Variants in NCOA3 observed in about 807,000 individuals in gnomAD.
NCOA3 encodes CBP-interacting protein.
Under a neutral mutation model 158.8 loss-of-function variants are expected in NCOA3, and 51 were observed. The ratio of observed to expected loss-of-function variants is 0.32; its 90% CI spans 0.26 to 0.41. The LOEUF (loss-of-function observed/expected upper bound fraction) is 0.41, where lower values mean the gene tolerates loss of function less well. Among genes scored for constraint, NCOA3 ranks in the 10% least tolerant of loss-of-function variants. The pLI, the probability that NCOA3 is intolerant of heterozygous loss-of-function variation, is 1.00. For synonymous variants in NCOA3, 537 were observed against 592.4 expected, an observed-to-expected ratio of 0.91 and a Z score of 1.36; for missense variants, 1,510 against 1,746.6, an observed-to-expected ratio of 0.86 and a Z score of 2.41.
chr20:47,536,809 T>TC (rs1372055488), intron 1 of NCOA3, among the ~76,000 whole-genome samples: 13 of 150,142 alleles, frequency 8.7e-5, no homozygotes, highest in Non-Finnish European at 1.2e-4. Context: ...TTTTTTCTTT[T>TC]TTTTTTTTTT....
chr20:47,620,084 G>A (rs2086211605), intron 2 of NCOA3, among the ~76,000 whole-genome samples: 1 of 123,488 alleles, frequency 8.1e-6, no homozygotes, highest in Non-Finnish European at 1.8e-5. Flanking sequence ...GTGAGCCACT[G>A]CACCTGGCTC....
rs377014290 is a variant in NCOA3 at position 47,594,664 on chromosome 20, C to CAAAAAAAAA, written c.-20+11426_-20+11434dup. On this transcript the variant is annotated intron_variant, in intron 2 of 22. Transcript: ENST00000371998. The stretch of plus-strand genomic sequence containing the variant: ...TGGGCGACAGAGCGAGACTCTGTCT[C>CAAAAAAAAA]AAAAAAAAAAAAAAAAAAAAAAAAA... 5.6e-3 allele frequency among the ~76,000 whole-genome samples: 409 copies of CAAAAAAAAA among 72,918 alleles called. 28 individuals carry two copies. The highest frequency in any genetic ancestry group is 6.5e-3 in the Non-Finnish European group (263 of 40,706). 47.8% of individuals were successfully genotyped at this position (72,918 alleles called of 152,430 possible). A position where few individuals can be genotyped will look rare whatever the true frequency, so the allele number is the denominator to read the frequency against.
intron 1 of NCOA3, among the ~76,000 whole-genome samples, chr20:47,553,361 C>T (rs532978792): frequency 1.4e-4 from 22 of 151,850 alleles, no homozygotes; most frequent in East Asian, 3.9e-4. Context: ...TTGCAGTGTC[C>T]GATCAAGATA....
At chr20:47,536,322 C>T (rs2084631841) in intron 1 of NCOA3, among the ~76,000 whole-genome samples, 1 of 152,100 alleles carries the variant, frequency 6.6e-6, no homozygotes, top group Non-Finnish European at 1.5e-5. Flanking sequence ...CCACATTGTC[C>T]ACACCTCAAG....
In NCOA3 at chr20:47,647,225, T is replaced by C; in HGVS notation, c.3405T>C (p.Phe1135=). 1 of 1,614,124 alleles carries C rather than the reference T, an allele frequency of 6.2e-7. No homozygotes were observed. Among genetic ancestry groups the C allele is most frequent in the Non-Finnish European group, 8.5e-7 (1 of 1,180,024 alleles). ...ATCTTCAGGGACAATCACCATCTTT[T>C]AACTCTATGATGAATCAGATGAACC... is the stretch of plus-strand genomic sequence containing the variant. ...GFHLQGQSPS[F]NSMMNQMNQQ... The change falls in exon 18 of 23, where the codon TTT becomes TTC. Residue 1135 remains phenylalanine, a synonymous_variant. Transcript: ENST00000371998.
At chr20:47,587,687 A>T (rs913995316) in intron 2 of NCOA3, among the ~76,000 whole-genome samples, 15 of 151,974 alleles carry the variant, frequency 9.9e-5, no homozygotes, top group African/African-American at 3.4e-4. Context: ...TTTGTATTTT[A>T]TTGCTGTATT....
chr20:47,599,589 C>T (rs992056033), intron 2 of NCOA3, among the ~76,000 whole-genome samples: 3 of 152,164 alleles, frequency 2.0e-5, no homozygotes, highest in Admixed American at 6.5e-5. Context: ...TGCAAAACTG[C>T]TAAGAACACT....
At chr20:47,547,480 T>C (rs2084851073) in intron 1 of NCOA3, among the ~76,000 whole-genome samples, 1 of 151,932 alleles carries the variant, frequency 6.6e-6, no homozygotes, top group Admixed American at 6.6e-5. Context: ...TGGTGCGATC[T>C]CGGCTTACTG....
At position 47,655,277 on chromosome 20, in the gene NCOA3, A is replaced by T. The variant is rs574211941; in HGVS notation, c.*1860A>T. On this transcript the variant is annotated 3_prime_UTR_variant, in exon 23 of 23. Transcript: ENST00000371998. ...TATCTGGGTTAATTCATTTGGTTCAAATAGTTGACGGAATTGGGTTTCTGA... is the reference window on the plus strand; with the variant it reads ...TATCTGGGTTAATTCATTTGGTTCATATAGTTGACGGAATTGGGTTTCTGA... The T allele has an allele frequency of 2.0e-5, 3 of 152,300 alleles. No individual in the cohort carries two copies. In the East Asian group the frequency reaches 5.8e-4, roughly 29 times the overall value. The allele number at this position is 152,300 out of a possible 1,614,324, so 9.4% of individuals were successfully genotyped here. A position where few individuals can be genotyped will look rare whatever the true frequency, so the allele number is the denominator to read the frequency against.
rs2086341429 is a variant in NCOA3 at position 47,627,465 on chromosome 20, A to G, written c.533-96A>G. ...GTTAGTATAGATATAACTATGGAAA[A>G]CATGCATAATGAGAAAATGCAGCTT... On this transcript the variant is annotated intron_variant, in intron 6 of 22. Coordinates refer to ENST00000371998, the MANE Select transcript of NCOA3 (RefSeq NM_181659.3). 9 of 950,236 alleles carry G rather than the reference A, an allele frequency of 9.5e-6. No homozygotes were observed. The South Asian group carries it at 1.1e-4, about 12-fold the overall frequency. 58.9% of individuals were successfully genotyped at this position (950,236 alleles called of 1,614,324 possible). A position where few individuals can be genotyped will look rare whatever the true frequency, so the allele number is the denominator to read the frequency against.
chr20:47,605,941 G>A (rs6012223), intron 2 of NCOA3, among the ~76,000 whole-genome samples: 19,510 of 152,164 alleles, frequency 0.13, 1,721 homozygotes, highest in African/African-American at 0.24. Context: ...GCAGATAGTA[G>A]ATACTAAAGC....
At chr20:47,611,803 A>G (rs1016687396) in intron 2 of NCOA3, among the ~76,000 whole-genome samples, 2 of 151,998 alleles carry the variant, frequency 1.3e-5, no homozygotes, top group African/African-American at 4.8e-5. Flanking sequence ...AAAACAAAAC[A>G]AAACAAAATA....
chr20:47,523,363 T>C (rs1045550918), intron 1 of NCOA3, among the ~76,000 whole-genome samples: 1 of 152,144 alleles, frequency 6.6e-6, no homozygotes, highest in African/African-American at 2.4e-5. Context: ...CTGGGGTTGA[T>C]CCAAGGGTCT....
chr20:47,590,296 C>T (rs559652965), intron 2 of NCOA3, among the ~76,000 whole-genome samples: 4 of 152,236 alleles, frequency 2.6e-5, no homozygotes, highest in African/African-American at 9.6e-5. Flanking sequence ...ATGCAAATAA[C>T]GTTATTAACA....
At chr20:47,651,665 TTTA>T (rs1207830290) in intron 20 of NCOA3, among the ~76,000 whole-genome samples, 2 of 151,884 alleles carry the variant, frequency 1.3e-5, no homozygotes, top group African/African-American at 4.8e-5. Context: ...GTGACTTGGA[TTTA>T]TTATTTTTTT....
rs755173294 is a variant in NCOA3, at chr20:47,542,009, G to GTTTTTTTTTTTTTTTTTTTTTTTTTTTTT, written c.-99+40011_-99+40012insTTTTTTTTTTTTTTTTTTTTTTTTTTTTT. The stretch of plus-strand genomic sequence containing the variant: ...ATCAAATTATTTTTTGCCCTGTAGA[G>GTTTTTTTTTTTTTTTTTTTTTTTTTTTTT]TTTTTTTTTTTTTTTTTTTTTGTTG... On this transcript the variant is annotated intron_variant, in intron 1 of 22. Coordinates refer to ENST00000371998, the MANE Select transcript of NCOA3 (RefSeq NM_181659.3). Among the ~76,000 whole-genome samples the GTTTTTTTTTTTTTTTTTTTTTTTTTTTTT allele has an allele frequency of 2.1e-4, 12 of 56,354 alleles. 3 individuals are homozygous for GTTTTTTTTTTTTTTTTTTTTTTTTTTTTT. The highest frequency in any genetic ancestry group is 5.9e-4 in the African/African-American group (8 of 13,484). The allele number at this position is 56,354 out of a possible 152,430, so 37.0% of individuals were successfully genotyped here.
intron 2 of NCOA3, among the ~76,000 whole-genome samples, chr20:47,584,512 C>T (rs893269067): frequency 6.6e-6 from 1 of 150,864 alleles, no homozygotes; most frequent in South Asian, 2.1e-4. Context: ...CCCAGCTACT[C>T]GAAAAGCTGA....
chr20:47,651,454 G>A (rs1271689911), intron 20 of NCOA3, among the ~76,000 whole-genome samples, 178 bp downstream of exon 20: 2 of 152,164 alleles, frequency 1.3e-5, no homozygotes, highest in East Asian at 3.8e-4. Context: ...ACAGGTAATT[G>A]AGACAGGTGT....
At chr20:47,514,089 C>T (rs2084191014) in intron 1 of NCOA3, among the ~76,000 whole-genome samples, 1 of 151,974 alleles carries the variant, frequency 6.6e-6, no homozygotes, top group Non-Finnish European at 1.5e-5. Context: ...TGATGTGTAC[C>T]TGTAATTTAT....
Sources: gnomAD v4.1 joint callset for allele counts (sites outside exome capture counted in the v4.1 genomes callset) on GRCh38, gnomAD v4.1.1 for gene constraint, MANE v1.5 for transcripts, NCBI Gene and HGNC (gene_info 2026-07-23, HGNC 2026-07-21) for gene names.